Variants in SETD6 observed in about 807,000 individuals in gnomAD.
SETD6 encodes N-lysine methyltransferase SETD6.
A neutral mutation model predicts 52.7 loss-of-function variants in SETD6; 67 were observed. That is an observed-to-expected ratio of 1.27 (90% CI 1.04 to 1.56). The LOEUF (loss-of-function observed/expected upper bound fraction) is 1.56. Ranked by LOEUF, SETD6 falls within the 40% of genes most tolerant of loss-of-function variation. SETD6 has a pLI of 0.00. For synonymous variants in SETD6, 307 were observed against 250.2 expected (o/e 1.23, Z -2.14); for missense variants, 712 against 607.5 (o/e 1.17, Z -1.81).
chr16:58,521,124 C>T lies in SETD6; in HGVS notation c.*2095C>T. 3 of 1,613,136 alleles carry T rather than the reference C, an allele frequency of 1.9e-6. No individual in the cohort carries two copies. The highest frequency in any genetic ancestry group is 1.7e-5 in the Admixed American group (1 of 59,932). On this transcript the variant is annotated 3_prime_UTR_variant, in exon 8 of 8. Transcript: ENST00000219315. ...TCATTCAGCTGACCCAACCTAGAGA[C>T]AGATGGTTTTCAGTCTCCAGTCTCA...
Position 58,521,334 on chromosome 16 carries a change from A to G in SETD6, c.*2305A>G. The stretch of plus-strand genomic sequence containing the variant: ...AAGAGAACTCTGGAAAAAGGGAGAA[A>G]GAGCTAGTTAATGTATAGAAGCATA... On this transcript the variant is annotated 3_prime_UTR_variant, in exon 8 of 8. Coordinates refer to ENST00000219315, the MANE Select transcript of SETD6 (RefSeq NM_001160305.4). 3 of 1,593,128 alleles carry G rather than the reference A, an allele frequency of 1.9e-6. No homozygotes were observed. Among genetic ancestry groups the G allele is most frequent in the Non-Finnish European group, 2.6e-6 (3 of 1,174,126 alleles).
rs2039286513 is a variant in SETD6 at position 58,519,504 on chromosome 16, C to T, written c.*475C>T. On this transcript the variant is annotated 3_prime_UTR_variant, in exon 8 of 8. Coordinates refer to ENST00000219315, the MANE Select transcript of SETD6 (RefSeq NM_001160305.4). ...ACAAACCACCTCTCAGGGAATAAACCCTAAGACATCACTCAAGGAGGACTT... is the reference window on the plus strand; with the variant it reads ...ACAAACCACCTCTCAGGGAATAAACTCTAAGACATCACTCAAGGAGGACTT... 1 of 159,138 alleles carries T rather than the reference C, an allele frequency of 6.3e-6. No individual in the cohort carries two copies. The highest frequency in any genetic ancestry group is 2.4e-5 in the African/African-American group (1 of 41,556). The allele number at this position is 159,138 out of a possible 1,614,324, so 9.9% of individuals were successfully genotyped here. A position where few individuals can be genotyped will look rare whatever the true frequency, so the allele number is the denominator to read the frequency against.
Position 58,520,737 on chromosome 16 carries a change from C to CAGCATCTTCTAAATTTTG in SETD6, c.*1709_*1726dup. 2 of 565,946 alleles carry CAGCATCTTCTAAATTTTG rather than the reference C, an allele frequency of 3.5e-6. No homozygotes were observed. Among genetic ancestry groups the CAGCATCTTCTAAATTTTG allele is most frequent in the Non-Finnish European group, 6.3e-6 (2 of 316,516 alleles). 35.1% of individuals were successfully genotyped at this position (565,946 alleles called of 1,614,324 possible). ...TTACACAAGTTCAAAATGATATTCA[C>CAGCATCTTCTAAATTTTG]AGCATCTTCTAAATTTTGGCCAAGA... On this transcript the variant is annotated 3_prime_UTR_variant, in exon 8 of 8. Coordinates refer to ENST00000219315, the MANE Select transcript of SETD6 (RefSeq NM_001160305.4).
Position 58,515,810 on chromosome 16 carries a change from G to A in SETD6, c.47G>A (p.Gly16Asp), listed in dbSNP as rs991891815. 2.6e-6 allele frequency: 4 copies of A among 1,526,330 alleles called. No individual in the cohort carries two copies. In the African/African-American group the frequency reaches 5.7e-5, roughly 22 times the overall value. The allele number at this position is 1,526,330 out of a possible 1,614,324, so 94.5% of individuals were successfully genotyped here. Residue 16 changes from glycine (G) to aspartate (D), a missense_variant, in exon 2 of 8, where the codon GGC (glycine) becomes GAC (aspartate). Physicochemically the swap from Gly to Asp is moderately conservative, Grantham distance 94. Transcript: ENST00000219315. The stretch of plus-strand genomic sequence containing the variant: ...TCTCAGGTGGCGGGGCCCGTGGACG[G>A]CGGCGACCTGGATCCTGTGGCCTGC... Reference protein sequence around the residue: ...KRPRVAGPVDGGDLDPVACFL... With the variant: ...KRPRVAGPVDDGDLDPVACFL...
chr16:58,522,174 C>T lies in SETD6; in HGVS notation c.*3145C>T, dbSNP rs1338828371. Among the ~76,000 whole-genome samples, 2 of 137,374 alleles carry T rather than the reference C, an allele frequency of 1.5e-5. No homozygotes were observed. Among genetic ancestry groups the T allele is most frequent in the African/African-American group, 2.9e-5 (1 of 34,974 alleles). The allele number at this position is 137,374 out of a possible 152,430, so 90.1% of individuals were successfully genotyped here. ...CTCTACTAAAAATACAAAAAATTAGCCGGACGTGGTGGCAGGTGCCTGTAA... is the reference window on the plus strand; with the variant it reads ...CTCTACTAAAAATACAAAAAATTAGTCGGACGTGGTGGCAGGTGCCTGTAA... On this transcript the variant is annotated 3_prime_UTR_variant, in exon 8 of 8. Coordinates refer to ENST00000219315, the MANE Select transcript of SETD6 (RefSeq NM_001160305.4).
At position 58,516,456 on chromosome 16, in the gene SETD6, C is replaced by T. The variant is rs2039156654; in HGVS notation, c.477-22C>T. ...AAGTGTGTGAAGGAATGAAGGGAAC[C>T]TGGGTGTGGGTGTCCCTGCAGGCCA... On this transcript the variant is annotated intron_variant, in intron 3 of 7. Coordinates refer to ENST00000219315, the MANE Select transcript of SETD6 (RefSeq NM_001160305.4). 6.2e-6 allele frequency: 10 copies of T among 1,613,566 alleles called. No individual in the cohort carries two copies. In the East Asian group the frequency reaches 2.0e-4, roughly 32 times the overall value.
intron 5 of SETD6, 140 bp from the exon 6 acceptor site, chr16:58,517,911 G>T: frequency 9.9e-7 from 1 of 1,013,332 alleles, no homozygotes; most frequent in Non-Finnish European, 1.5e-6. Context: ...GGTCTAACAG[G>T]AACTAAAGGT....
At chr16:58,515,498 G>A (rs1377743093), upstream of SETD6, 1 of 1,568,046 alleles carries the variant, frequency 6.4e-7, no homozygotes, top group East Asian at 2.4e-5. Flanking sequence ...GGAAGTGACC[G>A]CGCGGTGCGC....
rs773638281 is a variant in SETD6, at chr16:58,516,178, C to G, written c.335-24C>G. ...CCCGGCCCGCGAGGCCGCGCCGGGGCGCTCACACCTGTGTCTTCCTCAGAG... is the reference window on the plus strand; with the variant it reads ...CCCGGCCCGCGAGGCCGCGCCGGGGGGCTCACACCTGTGTCTTCCTCAGAG... On this transcript the variant is annotated intron_variant, in intron 2 of 7. Coordinates refer to ENST00000219315, the MANE Select transcript of SETD6 (RefSeq NM_001160305.4). 23 of 1,450,720 alleles carry G rather than the reference C, an allele frequency of 1.6e-5. No individual in the cohort carries two copies. In the African/African-American group the frequency reaches 3.3e-4, roughly 21 times the overall value. 89.9% of individuals were successfully genotyped at this position (1,450,720 alleles called of 1,614,324 possible).
intron 2 of SETD6, 44 bp from the exon 3 acceptor site, chr16:58,516,158 C>CGGGGCGGGGCGGGGCGGGG (rs2039139897): frequency 8.3e-7 from 1 of 1,206,964 alleles, no homozygotes; most frequent in Non-Finnish European, 1.1e-6. Flanking sequence ...GCGGGCCCGG[C>CGGGGCGGGGCGGGGCGGGG]CCGCGAGGCC....
rs758038101 is a variant in SETD6 at position 58,520,913 on chromosome 16, A to G, written c.*1884A>G. 1.4e-5 allele frequency: 22 copies of G among 1,574,162 alleles called. No individual in the cohort carries two copies. Among genetic ancestry groups the G allele is most frequent in the Non-Finnish European group, 1.9e-5 (22 of 1,150,126 alleles). ...TTCAGTCAGTTTATGAACTCGGTGCAGTGAGACCTCTAGACTGACACGTAC... is the reference window on the plus strand; with the variant it reads ...TTCAGTCAGTTTATGAACTCGGTGCGGTGAGACCTCTAGACTGACACGTAC... On this transcript the variant is annotated 3_prime_UTR_variant, in exon 8 of 8. Transcript: ENST00000219315.
chr16:58,517,595 C>T (rs140311956), intron 5 of SETD6: 2 of 197,572 alleles, frequency 1.0e-5, no homozygotes, highest in African/African-American at 4.7e-5. Context: ...CTGCCTCAGC[C>T]TCCCGAGTAG....
rs200461584 is a variant in SETD6 at position 58,522,319 on chromosome 16, T to TAA, written c.*3291_*3292dup. Among the ~76,000 whole-genome samples, 575 of 150,444 alleles carry TAA rather than the reference T, an allele frequency of 3.8e-3. 6 individuals carry two copies. Among genetic ancestry groups the TAA allele is most frequent in the East Asian group, 0.012 (64 of 5,152 alleles). ...TTGGTAAAATTTTTCCGAATGCCAG[T>TAA]AAGCATTGGCTTAACTTTATATCCT... is the stretch of plus-strand genomic sequence containing the variant. On this transcript the variant is annotated 3_prime_UTR_variant, in exon 8 of 8. Coordinates refer to ENST00000219315, the MANE Select transcript of SETD6 (RefSeq NM_001160305.4).
In SETD6 at chr16:58,521,933, AGAGT is replaced by A. The variant is rs2039393872; in HGVS notation, c.*2908_*2911del. Among the ~76,000 whole-genome samples, 2 of 152,212 alleles carry A rather than the reference AGAGT, an allele frequency of 1.3e-5. No individual in the cohort carries two copies. The highest frequency in any genetic ancestry group is 6.5e-5 in the Admixed American group (1 of 15,290). The stretch of plus-strand genomic sequence containing the variant: ...GCCACTGCACTCCAGCCTGGGAGAC[AGAGT>A]GAGACCCTGTCTCAAATAAACAGAT... On this transcript the variant is annotated 3_prime_UTR_variant, in exon 8 of 8. Transcript: ENST00000219315.
chr16:58,517,412 G>GT (rs1217512670), intron 5 of SETD6: 6 of 179,312 alleles, frequency 3.3e-5, no homozygotes, highest in Admixed American at 2.7e-4. Context: ...TCAGAAATTA[G>GT]TAAGTATGGT....
rs576349497 is a variant in SETD6, at chr16:58,522,466, G to A, written c.*3437G>A. The stretch of plus-strand genomic sequence containing the variant: ...GCATCCAATAAGATATTAAATTTTA[G>A]TACACAAATCAAAGGAATACCATAT... On this transcript the variant is annotated 3_prime_UTR_variant, in exon 8 of 8. Transcript: ENST00000219315. 6.6e-6 allele frequency among the ~76,000 whole-genome samples: 1 copy of A among 151,134 alleles called. No homozygotes were observed. The highest frequency in any genetic ancestry group is 1.5e-5 in the Non-Finnish European group (1 of 67,976).
chr16:58,520,832 G>T lies in SETD6; in HGVS notation c.*1803G>T. ...AGGAGGCTGATCCCAACAGTAGTTG[G>T]GGCAGATACCCACAAACCAAAGGGC... On this transcript the variant is annotated 3_prime_UTR_variant, in exon 8 of 8. Coordinates refer to ENST00000219315, the MANE Select transcript of SETD6 (RefSeq NM_001160305.4). 1 of 934,622 alleles carries T rather than the reference G, an allele frequency of 1.1e-6. No homozygotes were observed. 57.9% of individuals were successfully genotyped at this position (934,622 alleles called of 1,614,324 possible).
intron 7 of SETD6, 46 bp from the exon 8 acceptor site, chr16:58,518,678 T>A: frequency 6.2e-7 from 1 of 1,600,204 alleles, no homozygotes; most frequent in East Asian, 2.2e-5. Context: ...ATTTCAGAAG[T>A]ACAAAAGCAG....
At position 58,520,340 on chromosome 16, in the gene SETD6, A is replaced by G. The variant is rs1028503540; in HGVS notation, c.*1311A>G. The G allele has an allele frequency of 1.3e-5, 2 of 152,774 alleles. No individual in the cohort carries two copies. The highest frequency in any genetic ancestry group is 2.4e-5 in the African/African-American group (1 of 41,442). 9.5% of individuals were successfully genotyped at this position (152,774 alleles called of 1,614,324 possible). On this transcript the variant is annotated 3_prime_UTR_variant, in exon 8 of 8. Transcript: ENST00000219315. Reference sequence around the variant, plus strand: ...CTGAGGTGTATAATCCCCAAAAGAAATAAGATGGTACAAATGCAGTCAGCT... The same window carrying G: ...CTGAGGTGTATAATCCCCAAAAGAAGTAAGATGGTACAAATGCAGTCAGCT...
Sources: allele counts gnomAD v4.1 joint callset (sites outside exome capture counted in the v4.1 genomes callset), GRCh38; gene constraint gnomAD v4.1.1; transcripts MANE v1.5; gene names NCBI Gene and HGNC (gene_info 2026-07-23, HGNC 2026-07-21).